The following PJA2 variants were observed in gnomAD, a reference collection of about 807,000 sequenced individuals.
PJA2 encodes the protein praja ring finger ubiquitin ligase 2.
PJA2 carries 25 observed loss-of-function variants against 69.3 expected under a neutral mutation model. The observed-to-expected ratio is 0.36, with a 90% CI of 0.26 to 0.50. The LOEUF is 0.50. PJA2 is among the 20% of genes least tolerant of loss of function. PJA2 has a pLI of 0.96. For missense variants in PJA2, 809 were observed against 830.2 expected, an observed-to-expected ratio of 0.97 and a Z score of 0.31; for synonymous variants, 308 against 277.8, an observed-to-expected ratio of 1.11 and a Z score of -1.08.
chr5:109,349,382 G>C (rs532662250), intron 7 of PJA2, among the ~76,000 whole-genome samples: 2 of 152,260 alleles, frequency 1.3e-5, no homozygotes, highest in East Asian at 3.9e-4. Context: ...TTCTGTCCCA[G>C]TGTGCTTGCT....
intron 9 of PJA2, 25 bp downstream of exon 9, chr5:109,344,165 A>G (rs1421225980): frequency 8.6e-7 from 1 of 1,162,286 alleles, no homozygotes; most frequent in East Asian, 2.6e-5. Flanking sequence ...AGTATTTTTA[A>G]ATTTTTAATT....
Position 109,336,480 on chromosome 5 carries a change from TAGAA to T in PJA2, c.*747_*750del, listed in dbSNP as rs1202558953. ...AGGAGAAACAGGTTGGGTAAGAGGT[TAGAA>T]AGAGTTTCATAAGGCCATCTAATTC... On this transcript the variant is annotated 3_prime_UTR_variant, in exon 10 of 10. Transcript: ENST00000361189. 6.6e-6 allele frequency: 1 copy of T among 152,220 alleles called. No homozygotes were observed. Among genetic ancestry groups the T allele is most frequent in the East Asian group, 1.9e-4 (1 of 5,180 alleles). The allele number at this position is 152,220 out of a possible 1,614,324, so 9.4% of individuals were successfully genotyped here.
chr5:109,368,514 C>T (rs377764449), intron 5 of PJA2, 47 bp downstream of exon 5: 1 of 1,472,794 alleles, frequency 6.8e-7, no homozygotes, highest in Non-Finnish European at 9.2e-7. Context: ...TAAAATATAC[C>T]ACTCTTGTAC....
intron 7 of PJA2, among the ~76,000 whole-genome samples, chr5:109,350,026 G>C (rs548973292): frequency 6.6e-6 from 1 of 152,108 alleles, no homozygotes; most frequent in East Asian, 1.9e-4. Flanking sequence ...AGAAATAAGG[G>C]ATGTTATTTA....
intron 1 of PJA2, among the ~76,000 whole-genome samples, chr5:109,397,960 A>T (rs1396167551): frequency 2.6e-5 from 4 of 152,178 alleles, no homozygotes. Context: ...AACTTACAAG[A>T]AAAAAACAAC....
In PJA2 at chr5:109,352,895, AC is replaced by A. The variant is rs1354795876; in HGVS notation, c.1764+3019del. ...ATATATTAGATATCTATATCTATAG[AC>A]ATCTATATATTAGATACCTATAATA... On this transcript the variant is annotated intron_variant, in intron 7 of 9. Coordinates refer to ENST00000361189, the MANE Select transcript of PJA2 (RefSeq NM_014819.5). 7.4e-5 allele frequency among the ~76,000 whole-genome samples: 11 copies of A among 149,636 alleles called. 1 individual carries two copies. Among genetic ancestry groups the A allele is most frequent in the East Asian group, 3.9e-4 (2 of 5,146 alleles).
intron 7 of PJA2, among the ~76,000 whole-genome samples, chr5:109,354,840 C>T (rs1276677522): frequency 6.6e-6 from 1 of 151,408 alleles, no homozygotes; most frequent in African/African-American, 2.4e-5. Context: ...TCTGGCTGGG[C>T]ATGGTGACTC....
intron 1 of PJA2, among the ~76,000 whole-genome samples, chr5:109,397,502 A>T (rs1009450259): frequency 3.3e-5 from 5 of 152,024 alleles, no homozygotes; most frequent in Admixed American, 3.3e-4. Flanking sequence ...AGTAGAAAAA[A>T]AAAAAGCAAC....
intron 9 of PJA2, 110 bp from the exon 10 acceptor site, chr5:109,337,466 CAA>C (rs1761969029): frequency 8.1e-7 from 1 of 1,242,098 alleles, no homozygotes; most frequent in East Asian, 2.8e-5. Context: ...CTCTTAACAA[CAA>C]AAAACAAACT....
chr5:109,397,804 G>A (rs755790357), intron 1 of PJA2, among the ~76,000 whole-genome samples: 12 of 152,080 alleles, frequency 7.9e-5, no homozygotes, highest in Non-Finnish European at 1.8e-4. Flanking sequence ...GATTACAGGC[G>A]TGAGCCACGG....
chr5:109,337,377 A>G, intron 9 of PJA2, 21 bp from the exon 10 acceptor site: 1 of 1,573,936 alleles, frequency 6.4e-7, no homozygotes, highest in Non-Finnish European at 8.6e-7. Context: ...AAAAAATGTT[A>G]AGAGCCACCA....
intron 1 of PJA2, among the ~76,000 whole-genome samples, chr5:109,406,040 ATTTT>A (rs35924063): frequency 1.9e-4 from 20 of 103,432 alleles, no homozygotes; most frequent in African/African-American, 5.6e-4. Context: ...AGACAAACCC[ATTTT>A]TTTTTTTTTT....
chr5:109,367,057 G>C (rs1762595393), intron 5 of PJA2, among the ~76,000 whole-genome samples: 2 of 151,456 alleles, frequency 1.3e-5, no homozygotes, highest in Non-Finnish European at 2.9e-5. Flanking sequence ...ACTTGAACCT[G>C]GGAGATGGAG....
chr5:109,356,957 T>A (rs1383340874), intron 6 of PJA2, among the ~76,000 whole-genome samples: 1 of 152,204 alleles, frequency 6.6e-6, no homozygotes, highest in African/African-American at 2.4e-5. Flanking sequence ...TCCTCTAGTC[T>A]TGGAAATACT....
At chr5:109,396,151 T>G (rs1747403548) in intron 1 of PJA2, among the ~76,000 whole-genome samples, 1 of 152,192 alleles carries the variant, frequency 6.6e-6, no homozygotes, top group Admixed American at 6.5e-5. Flanking sequence ...CAGTATATAC[T>G]GAGTCTACTG....
chr5:109,379,205 T>G lies in PJA2; in HGVS notation c.282A>C (p.Ile94=). The G allele has an allele frequency of 1.2e-6, 2 of 1,613,912 alleles. No homozygotes were observed. The highest frequency in any genetic ancestry group is 1.7e-6 in the Non-Finnish European group (2 of 1,179,946). Residue 94 remains isoleucine, a synonymous_variant, in exon 4 of 10, where the codon ATA becomes ATC. Transcript: ENST00000361189. ...QVDSSLPSEP[I]FEKSETEIPT... ...GAATTTCTGTTTCACTTTTTTCAAA[T>G]ATAGGTTCACTGGGTAAAGAAGAAT...
intron 6 of PJA2, among the ~76,000 whole-genome samples, chr5:109,360,588 G>A (rs1391426800): frequency 1.3e-5 from 2 of 151,998 alleles, no homozygotes; most frequent in African/African-American, 4.8e-5. Flanking sequence ...ACCTTTAGAC[G>A]CTGCCACATA....
Position 109,355,994 on chromosome 5 carries a change from A to G in PJA2, c.1685T>C (p.Val562Ala). The change falls in exon 7 of 10, where the codon GTT becomes GCT. Residue 562 changes from valine (V) to alanine (A), a missense_variant. By Grantham distance (64) the Val-to-Ala change is moderately conservative. Around this residue, in one of 4 missense-constraint regions of PJA2, gnomAD observed 55 missense variants for 90.7 expected, o/e 0.61. Coordinates refer to ENST00000361189, the MANE Select transcript of PJA2 (RefSeq NM_014819.5). ...ATCCACATATGAAATAGCTTCAGCA[A>G]CTCCTAGTCCATCTGCAAAGCCATC... ...LFDGFADGLG[V>A]AEAISYVDPQ... 1 of 1,613,548 alleles carries G rather than the reference A, an allele frequency of 6.2e-7. No individual in the cohort carries two copies. The highest frequency in any genetic ancestry group is 8.5e-7 in the Non-Finnish European group (1 of 1,179,866).
In PJA2 at chr5:109,355,950, T is replaced by C; in HGVS notation, c.1729A>G (p.Met577Val). 6.2e-7 allele frequency: 1 copy of C among 1,613,720 alleles called. No homozygotes were observed. The highest frequency in any genetic ancestry group is 8.5e-7 in the Non-Finnish European group (1 of 1,179,880). The change falls in exon 7 of 10, where the codon ATG becomes GTG. Residue 577 changes from methionine to valine, a missense_variant. Physicochemically the swap from Met to Val is conservative, Grantham distance 21 (BLOSUM62 1). Transcript: ENST00000361189. ...TGGGCTAAGCGTTCTTCTAGTGCCA[T>C]GTAGGTAAGGAACTGAGGATCCACA... ...SYVDPQFLTY[M>V]ALEERLAQAM...
Sources: gnomAD v4.1 joint callset for allele counts (sites outside exome capture counted in the v4.1 genomes callset) on GRCh38, gnomAD v4.1.1 for gene constraint, gnomAD v4.1.1 regional missense constraint, MANE v1.5 for transcripts, NCBI Gene and HGNC (gene_info 2026-07-23, HGNC 2026-07-21) for gene names.